POLR1A: variants seen among roughly 807,000 people sequenced by gnomAD.
POLR1A encodes the protein DNA-directed RNA polymerase I subunit RPA1.
In POLR1A, 84 loss-of-function variants were observed where a neutral mutation model predicts 205.3. The ratio of observed to expected loss-of-function variants is 0.41; its 90% confidence interval spans 0.34 to 0.49. The LOEUF (loss-of-function observed/expected upper bound fraction) is 0.49, where lower values mean the gene tolerates loss of function less well. POLR1A is among the 20% of genes least tolerant of loss of function. POLR1A has a pLI of 0.22. For missense variants in POLR1A, 1,645 were observed against 2,204.5 expected (o/e 0.75, Z 5.08); for synonymous variants, 799 against 863.7 (o/e 0.93, Z 1.31).
Position 86,028,549 on chromosome 2 carries a change from G to T in POLR1A, c.4897+45C>A. 7.0e-7 allele frequency: 1 copy of T among 1,420,012 alleles called. No homozygotes were observed. Among genetic ancestry groups the T allele is most frequent in the Non-Finnish European group, 1.0e-6 (1 of 1,002,780 alleles). 88.0% of individuals were successfully genotyped at this position (1,420,012 alleles called of 1,614,324 possible). On this transcript the variant is annotated intron_variant, in intron 32 of 33. Transcript: ENST00000263857. This position sits in a 1 kb window ranked among gnomAD's most constrained non-coding sequence, Gnocchi z 4.5. Reference sequence around the variant, plus strand: ...CTCCTGCCGAGCCTTCTGGTGTCCTGGCTGGTGCCCAGACCTCGGGGTGTT... The same window carrying T: ...CTCCTGCCGAGCCTTCTGGTGTCCTTGCTGGTGCCCAGACCTCGGGGTGTT...
chr2:86,031,214 G>A (rs752637178), intron 30 of POLR1A, 116 bp downstream of exon 30: 71 of 1,410,790 alleles, frequency 5.0e-5, no homozygotes, highest in Non-Finnish European at 6.3e-5. Context: ...GAGACCATGG[G>A]GAATGTTGGC....
chr2:86,074,957 A>T, intron 12 of POLR1A, 73 bp downstream of exon 12: 1 of 1,082,070 alleles, frequency 9.2e-7, no homozygotes, highest in Non-Finnish European at 1.4e-6. Flanking sequence ...CCGGAGCCAC[A>T]CCTGATGGCC....
In POLR1A at chr2:86,040,406, G is replaced by A; in HGVS notation, c.3726C>T (p.Thr1242=). ...GTGCCCCACACCTTGGAATGCCCAGGGTGACGTTCATCTCGCCTCTGCCTG... is the reference window on the plus strand; with the variant it reads ...GTGCCCCACACCTTGGAATGCCCAGAGTGACGTTCATCTCGCCTCTGCCTG... ...HFAGRGEMNV[T]LGIPRLREIL... The change falls in exon 25 of 34, where the codon ACC becomes ACT. Residue 1242 remains threonine, a synonymous_variant. Coordinates refer to ENST00000263857, the MANE Select transcript of POLR1A (RefSeq NM_015425.6). 1 of 1,608,624 alleles carries A rather than the reference G, an allele frequency of 6.2e-7. No individual in the cohort carries two copies. The highest frequency in any genetic ancestry group is 1.1e-5 in the South Asian group (1 of 90,034).
At position 86,081,610 on chromosome 2, in the gene POLR1A, G is replaced by A. The variant is rs375999070; in HGVS notation, c.914C>T (p.Pro305Leu). The A allele has an allele frequency of 7.6e-6, 12 of 1,589,106 alleles. No individual in the cohort carries two copies. The highest frequency in any genetic ancestry group is 2.7e-5 in the African/African-American group (2 of 73,198). Residue 305 changes from proline (P) to leucine (L), a missense_variant, in exon 8 of 34, where the codon CCG (proline) becomes CTG (leucine). Coordinates refer to ENST00000263857, the MANE Select transcript of POLR1A (RefSeq NM_015425.6). ...AATTAAAGGGTATTACCTTGAGGGC[G>A]GCACCACCAAGAAATCTAGAAAGAA... Reference protein sequence around the residue: ...SVFFLDFLVVPPSRYRPVSRL... With the variant: ...SVFFLDFLVVLPSRYRPVSRL...
chr2:86,067,108 A>G (rs1455790114), intron 13 of POLR1A, among the ~76,000 whole-genome samples: 2 of 152,228 alleles, frequency 1.3e-5, no homozygotes, highest in East Asian at 1.9e-4. Context: ...TTTGATGGCT[A>G]AATCATTTTC....
intron 14 of POLR1A, among the ~76,000 whole-genome samples, chr2:86,061,870 G>C (rs1297413477): frequency 2.0e-5 from 3 of 152,132 alleles, no homozygotes; most frequent in Admixed American, 2.0e-4. Flanking sequence ...TCTTCTGGGG[G>C]TGCTGGTGAT....
In POLR1A at chr2:86,097,214, C is replaced by CAAAAAAAAAAAAAAAAAAAAAA. The variant is rs757210116; in HGVS notation, c.432+1375_432+1396dup. Among the ~76,000 whole-genome samples the CAAAAAAAAAAAAAAAAAAAAAA allele has an allele frequency of 9.6e-4, 38 of 39,694 alleles. 13 individuals carry two copies. Among genetic ancestry groups the CAAAAAAAAAAAAAAAAAAAAAA allele is most frequent in the African/African-American group, 2.1e-3 (21 of 10,110 alleles). 26.0% of individuals were successfully genotyped at this position (39,694 alleles called of 152,430 possible). On this transcript the variant is annotated intron_variant, in intron 3 of 33. Transcript: ENST00000263857. The stretch of plus-strand genomic sequence containing the variant: ...CATTAGGATGGCTATCCCCAAAAGA[C>CAAAAAAAAAAAAAAAAAAAAAA]AAAAAAAAAAAAAAAAAAAAAAAAA...
At chr2:86,051,295 C>T (rs1388166758) in intron 16 of POLR1A, among the ~76,000 whole-genome samples, 1 of 151,642 alleles carries the variant, frequency 6.6e-6, no homozygotes, top group African/African-American at 2.4e-5. Flanking sequence ...GAAAAACAAA[C>T]ATCAAATTAC....
At chr2:86,085,401 T>C (rs149059125) in intron 6 of POLR1A, among the ~76,000 whole-genome samples, 1 of 152,302 alleles carries the variant, frequency 6.6e-6, no homozygotes, top group Non-Finnish European at 1.5e-5. Flanking sequence ...TTTCAATGAG[T>C]TAACGCAACT....
At position 86,044,297 on chromosome 2, in the gene POLR1A, T is replaced by C. The variant is rs764253133; in HGVS notation, c.2977A>G (p.Ile993Val). 3 of 1,614,158 alleles carry C rather than the reference T, an allele frequency of 1.9e-6. No individual in the cohort carries two copies. Among genetic ancestry groups the C allele is most frequent in the Admixed American group, 1.7e-5 (1 of 60,018 alleles). ...SRSGYLQRCI[I>V]KHLEGLVVQY... ...ACGACCAGCCCCTCTAGGTGCTTGA[T>C]GATGCACCTGTAAGGACACCATCGG... The change falls in exon 22 of 34, where the codon ATC (isoleucine) becomes GTC (valine). Residue 993 changes from isoleucine (I) to valine (V), a missense_variant. Physicochemically the swap from Ile to Val is conservative, Grantham distance 29. This residue lies in a region of POLR1A where 17 missense variants were observed against 25.0 expected (regional missense o/e 0.68). Coordinates refer to ENST00000263857, the MANE Select transcript of POLR1A (RefSeq NM_015425.6).
In POLR1A at chr2:86,089,855, C is replaced by A; in HGVS notation, c.507G>T (p.Val169=). Residue 169 remains valine, a synonymous_variant, in exon 4 of 34, where the codon GTG becomes GTT. Coordinates refer to ENST00000263857, the MANE Select transcript of POLR1A (RefSeq NM_015425.6). ...EELEQYTTEI[V]QNNLLGSQGA... ...CCTGGGACCCCAGGAGGTTGTTCTG[C>A]ACAATTTCAGTTGTGTATTGTTCTA... 6.2e-7 allele frequency: 1 copy of A among 1,612,582 alleles called. No individual in the cohort carries two copies.
chr2:86,045,543 G>A, intron 20 of POLR1A, 74 bp downstream of exon 20: 1 of 1,508,040 alleles, frequency 6.6e-7, no homozygotes, highest in African/African-American at 1.4e-5. Context: ...CTACCCTGTA[G>A]GGCAGTCATA....
At chr2:86,045,841 A>G in intron 19 of POLR1A, 72 bp from the exon 20 acceptor site, 2 of 1,378,490 alleles carry the variant, frequency 1.5e-6, no homozygotes, top group Non-Finnish European at 2.0e-6. Context: ...CCCAGCAGGG[A>G]AAGTATAATC....
intron 9 of POLR1A, among the ~76,000 whole-genome samples, chr2:86,079,436 T>C (rs1196320261): frequency 1.3e-5 from 2 of 150,480 alleles, no homozygotes; most frequent in African/African-American, 4.9e-5. Context: ...ACACAGAGAG[T>C]AAGGGGGGAG....
At chr2:86,065,226 T>C (rs1573819136) in intron 14 of POLR1A, 48 bp downstream of exon 14, 2 of 1,498,768 alleles carry the variant, frequency 1.3e-6, no homozygotes, top group Non-Finnish European at 1.8e-6. Flanking sequence ...TTTACATGAG[T>C]GGCCTATTTC....
intron 16 of POLR1A, among the ~76,000 whole-genome samples, chr2:86,049,764 C>A (rs1029673580): frequency 2.0e-5 from 3 of 152,118 alleles, no homozygotes; most frequent in African/African-American, 7.2e-5. Flanking sequence ...TGACAAGGAC[C>A]ACCACCACAG....
rs1672544681 is a variant in POLR1A at position 86,038,753 on chromosome 2, G to C, written c.3981C>G (p.Tyr1327Ter). Residue 1327 changes from tyrosine (Y) to a stop codon, truncating the protein, a stop_gained, in exon 27 of 34, where the codon TAC becomes TAG. Transcript: ENST00000263857. LOFTEE classifies it high-confidence loss of function. ...LRFQFLPHAY[Y>*]QQEKCLRPED... is the part of the protein sequence containing the mutation. ...CGGGTCTCAGGCACTTCTCCTGCTGGTAATATGCATGTGGCAGGAACTGAA... is the reference window on the plus strand; with the variant it reads ...CGGGTCTCAGGCACTTCTCCTGCTGCTAATATGCATGTGGCAGGAACTGAA... 1.2e-6 allele frequency: 2 copies of C among 1,613,736 alleles called. No individual in the cohort carries two copies. Among genetic ancestry groups the C allele is most frequent in the African/African-American group, 1.3e-5 (1 of 74,916 alleles).
intron 13 of POLR1A, among the ~76,000 whole-genome samples, chr2:86,069,027 G>T (rs1445427730): frequency 6.6e-6 from 1 of 152,252 alleles, no homozygotes; most frequent in Non-Finnish European, 1.5e-5. Flanking sequence ...CTTCTCAGCT[G>T]AGTGTCCTTG....
At chr2:86,065,235 T>A (rs1673065867) in intron 14 of POLR1A, 39 bp downstream of exon 14, 1 of 1,573,654 alleles carries the variant, frequency 6.4e-7, no homozygotes, top group African/African-American at 1.4e-5. Context: ...GTGGCCTATT[T>A]CCTTTTGTTA....
Sources: gnomAD v4.1 joint callset for allele counts (sites outside exome capture counted in the v4.1 genomes callset) on GRCh38, gnomAD v4.1.1 for gene constraint, gnomAD v4.1.1 regional missense constraint, Gnocchi (gnomAD v3.1) non-coding constraint, MANE v1.5 for transcripts, NCBI Gene and HGNC (gene_info 2026-07-23, HGNC 2026-07-21) for gene names.